Variants in PHIP observed in about 807,000 individuals in gnomAD.
PHIP encodes the protein PHIP subunit of CUL4-Ring ligase complex.
A neutral mutation model predicts 236.8 loss-of-function variants in PHIP; 54 were observed. The observed-to-expected ratio is 0.23, with a 90% CI of 0.18 to 0.29. The LOEUF (loss-of-function observed/expected upper bound fraction) is 0.29, where lower values mean the gene tolerates loss of function less well. Among genes scored for constraint, PHIP ranks in the 10% least tolerant of loss-of-function variants. PHIP has a pLI of 1.00. For missense variants in PHIP, 1,370 were observed against 2,190.8 expected (o/e 0.63, Z 7.48); for synonymous variants, 756 against 718.9 (o/e 1.05, Z -0.83).
At chr6:79,017,842 T>C (rs1463327428) in intron 10 of PHIP, among the ~76,000 whole-genome samples, 1 of 151,958 alleles carries the variant, frequency 6.6e-6, no homozygotes, top group Non-Finnish European at 1.5e-5. Context: ...TAAGTGAATA[T>C]ATAACCATAC....
chr6:79,006,141 C>T lies in PHIP; in HGVS notation c.1525-2283G>A, dbSNP rs938125869. ...AAGAAAAGGATATTATTTGGATTAA[C>T]CATTTGTTTACTAAAGGAGGCATTA... On this transcript the variant is annotated intron_variant, in intron 15 of 39. Transcript: ENST00000275034. Among the ~76,000 whole-genome samples the T allele has an allele frequency of 5.3e-5, 8 of 152,002 alleles. No homozygotes were observed. The South Asian group carries it at 1.5e-3, about 28-fold the overall frequency.
At chr6:78,978,468 C>A in intron 24 of PHIP, 124 bp downstream of exon 24, 1 of 613,076 alleles carries the variant, frequency 1.6e-6, no homozygotes, top group Non-Finnish European at 2.7e-6. Context: ...TACATAGATA[C>A]AAATATCTAG....
chr6:79,021,942 T>G (rs1582236490), intron 9 of PHIP, among the ~76,000 whole-genome samples: 1 of 152,132 alleles, frequency 6.6e-6, no homozygotes, highest in Non-Finnish European at 1.5e-5. Flanking sequence ...ACCATGTGAT[T>G]ATTATGCATT....
At chr6:78,958,634 C>A in intron 31 of PHIP, 34 bp from the exon 32 acceptor site, 1 of 1,339,974 alleles carries the variant, frequency 7.5e-7, no homozygotes, top group South Asian at 1.2e-5. Context: ...TTTTAACTTC[C>A]TTATATTTAG....
Position 79,076,953 on chromosome 6 carries a change from C to T in PHIP, c.189+495G>A, listed in dbSNP as rs543726518. On this transcript the variant is annotated intron_variant, in intron 4 of 39. Transcript: ENST00000275034. ...AAAAAATAATGTCTTGCCACGGTAC[C>T]GCAGCGGCTGGATAGCCTGCTTGTG... Among the ~76,000 whole-genome samples the T allele has an allele frequency of 2.5e-4, 38 of 152,304 alleles. No individual in the cohort carries two copies. The South Asian group carries it at 7.9e-3, about 32-fold the overall frequency.
At chr6:79,000,549 T>C (rs1267164032) in intron 17 of PHIP, among the ~76,000 whole-genome samples, 1 of 152,100 alleles carries the variant, frequency 6.6e-6, no homozygotes, top group Non-Finnish European at 1.5e-5. Context: ...TTAGCACTGA[T>C]ACTTTAATAA....
At chr6:78,982,153 T>G (rs1474748877) in intron 23 of PHIP, among the ~76,000 whole-genome samples, 1 of 152,014 alleles carries the variant, frequency 6.6e-6, no homozygotes, top group Non-Finnish European at 1.5e-5. Flanking sequence ...TACAGTCTTT[T>G]GGGAAGCAGA....
At chr6:79,049,514 T>G (rs1179156977) in intron 6 of PHIP, among the ~76,000 whole-genome samples, 1 of 152,184 alleles carries the variant, frequency 6.6e-6, no homozygotes, top group Non-Finnish European at 1.5e-5. Context: ...GAGTAACTTC[T>G]AAATAATCAG....
chr6:79,039,571 T>C (rs1772108200), intron 7 of PHIP, among the ~76,000 whole-genome samples: 1 of 152,184 alleles, frequency 6.6e-6, no homozygotes, highest in South Asian at 2.1e-4. Flanking sequence ...TTCAATTCTA[T>C]ATCCCAACTG....
At chr6:78,971,021 C>T in intron 24 of PHIP, 133 bp from the exon 25 acceptor site, 1 of 617,998 alleles carries the variant, frequency 1.6e-6, no homozygotes, top group Non-Finnish European at 2.7e-6. Context: ...TTTCTCCCTC[C>T]TCCTTTCTCT....
chr6:78,950,368 T>C (rs1166391092), intron 35 of PHIP, among the ~76,000 whole-genome samples: 1 of 152,138 alleles, frequency 6.6e-6, no homozygotes, highest in African/African-American at 2.4e-5. Flanking sequence ...CTTCATAGAG[T>C]GAGTTGGGAA....
chr6:78,985,375 T>C lies in PHIP; in HGVS notation c.2514A>G (p.Ala838=), dbSNP rs575658007. The change falls in exon 22 of 40, where the codon GCA becomes GCG. Residue 838 remains alanine (A), a synonymous_variant. Coordinates refer to ENST00000275034, the MANE Select transcript of PHIP (RefSeq NM_017934.7). ...ACCTAGAACTGCCATCACTGTGCCA[T>C]GCTCTCTCTTCTTCTTCGGATGTTC... is the stretch of plus-strand genomic sequence containing the variant. ...SGGTSEEEER[A]WHSDGSSSDY... is the part of the protein sequence containing the mutation. 3.9e-5 allele frequency: 62 copies of C among 1,598,574 alleles called. No homozygotes were observed. Among genetic ancestry groups the C allele is most frequent in the African/African-American group, 9.4e-5 (7 of 74,622 alleles).
At chr6:79,029,577 T>G (rs1771569362) in intron 7 of PHIP, among the ~76,000 whole-genome samples, 2 of 152,232 alleles carry the variant, frequency 1.3e-5, no homozygotes, top group African/African-American at 2.4e-5. Flanking sequence ...TTACCCTGGC[T>G]GGAGTACAGT....
Position 78,941,164 on chromosome 6 carries a change from C to T in PHIP, c.4995G>A (p.Lys1665=). 6.2e-7 allele frequency: 1 copy of T among 1,613,958 alleles called. No homozygotes were observed. Among genetic ancestry groups the T allele is most frequent in the South Asian group, 1.1e-5 (1 of 91,066 alleles). ...IHKKRGRKPK[K]LQYAKPEDLE... ...AATCTTCTGGCTTTGCATACTGTAG[C>T]TTTTTGGGCTTTCTACCCCTTTTCT... is the stretch of plus-strand genomic sequence containing the variant. Residue 1665 remains lysine (K), a synonymous_variant, in exon 40 of 40, where the codon AAG becomes AAA. Coordinates refer to ENST00000275034, the MANE Select transcript of PHIP (RefSeq NM_017934.7).
intron 6 of PHIP, among the ~76,000 whole-genome samples, chr6:79,051,141 T>A (rs1370808943): frequency 6.6e-6 from 1 of 152,162 alleles, no homozygotes; most frequent in African/African-American, 2.4e-5. Flanking sequence ...AACCAAATAC[T>A]CATAATTCGA....
chr6:78,994,143 G>T (rs1012746058), intron 19 of PHIP, among the ~76,000 whole-genome samples: 1 of 152,212 alleles, frequency 6.6e-6, no homozygotes, highest in Non-Finnish European at 1.5e-5. Flanking sequence ...CTAAAGATGT[G>T]ACTGAATTGC....
At chr6:79,048,064 C>G (rs1376683078) in intron 6 of PHIP, among the ~76,000 whole-genome samples, 1 of 151,118 alleles carries the variant, frequency 6.6e-6, no homozygotes, top group African/African-American at 2.4e-5. Context: ...ATGCCAATAC[C>G]AAAATTTTAA....
chr6:78,962,864 G>A (rs1391542980), intron 30 of PHIP, among the ~76,000 whole-genome samples: 1 of 152,010 alleles, frequency 6.6e-6, no homozygotes, highest in Non-Finnish European at 1.5e-5. Flanking sequence ...GATGCCTCTG[G>A]CACTTCTAGG....
Position 78,938,998 on chromosome 6 carries a change from A to C in PHIP, c.*1695T>G, listed in dbSNP as rs1180076082. ...GCTGATACATATTTTCCCCATCCTC[A>C]CTTTTTAAAAATGTAGTATCTGAAA... is the stretch of plus-strand genomic sequence containing the variant. On this transcript the variant is annotated 3_prime_UTR_variant, in exon 40 of 40. Transcript: ENST00000275034. 1 of 151,622 alleles carries C rather than the reference A, an allele frequency of 6.6e-6. No individual in the cohort carries two copies. Among genetic ancestry groups the C allele is most frequent in the Non-Finnish European group, 1.5e-5 (1 of 67,646 alleles). The allele number at this position is 151,622 out of a possible 1,614,324, so 9.4% of individuals were successfully genotyped here. A position where few individuals can be genotyped will look rare whatever the true frequency, so the allele number is the denominator to read the frequency against.
Sources: gnomAD v4.1 joint callset for allele counts (sites outside exome capture counted in the v4.1 genomes callset) on GRCh38, gnomAD v4.1.1 for gene constraint, MANE v1.5 for transcripts, NCBI Gene and HGNC (gene_info 2026-07-23, HGNC 2026-07-21) for gene names.